The following DAB1 variants were observed in gnomAD, a reference collection of about 807,000 sequenced individuals.
DAB1 encodes disabled homolog 1.
In DAB1, 15 loss-of-function variants were observed where a neutral mutation model predicts 64.6. The observed-to-expected ratio is 0.23, with a 90% CI of 0.16 to 0.36. DAB1 has a LOEUF of 0.36. DAB1 is among the 10% of genes least tolerant of loss of function. The pLI is 1.00. For synonymous variants in DAB1, 235 were observed against 251.9 expected, an observed-to-expected ratio of 0.93 and a Z score of 0.64; for missense variants, 596 against 706.7, an observed-to-expected ratio of 0.84 and a Z score of 1.78.
chr1:58,386,345 G>A (rs542587060), intron 3 of DAB1, among the ~76,000 whole-genome samples: 1 of 152,180 alleles, frequency 6.6e-6, no homozygotes, highest in East Asian at 1.9e-4. Flanking sequence ...GAAATGGTAA[G>A]TTGGAGAAAA....
chr1:57,169,871 T>C (rs1233212965), intron 2 of DAB1, among the ~76,000 whole-genome samples: 1 of 152,148 alleles, frequency 6.6e-6, no homozygotes, highest in Non-Finnish European at 1.5e-5. Flanking sequence ...CCATGCTATA[T>C]TTAAAGGCGA....
At chr1:58,446,950 A>C (rs564772956) in intron 3 of DAB1, among the ~76,000 whole-genome samples, 1 of 152,306 alleles carries the variant, frequency 6.6e-6, no homozygotes, top group South Asian at 2.1e-4. Context: ...TTCCTCCCCA[A>C]ACCCTCATAT....
At chr1:57,088,508 C>T (rs1270745932) in intron 4 of DAB1, among the ~76,000 whole-genome samples, 1 of 152,188 alleles carries the variant, frequency 6.6e-6, no homozygotes, top group Non-Finnish European at 1.5e-5. Context: ...GAAGATTGGG[C>T]CCATCTCCCA....
At chr1:57,937,648 T>C (rs1193697242) in intron 5 of DAB1, among the ~76,000 whole-genome samples, 2 of 152,174 alleles carry the variant, frequency 1.3e-5, no homozygotes, top group East Asian at 3.9e-4. Context: ...CCACTTAAAG[T>C]GCTCTGGGCA....
At position 57,695,380 on chromosome 1, in the gene DAB1, GAAAGAAAGAAAGAAAGAAAGAAAGAAAGA is replaced by G. The variant is rs1646825304; in HGVS notation, n.552-45744_552-45716del. Among the ~76,000 whole-genome samples, 34 of 70,118 alleles carry G rather than the reference GAAAGAAAGAAAGAAAGAAAGAAAGAAAGA, an allele frequency of 4.8e-4. 1 individual carries two copies. Among genetic ancestry groups the G allele is most frequent in the African/African-American group, 1.9e-3 (34 of 18,248 alleles). 46.0% of individuals were successfully genotyped at this position (70,118 alleles called of 152,430 possible). A position where few individuals can be genotyped will look rare whatever the true frequency, so the allele number is the denominator to read the frequency against. On this transcript the variant is annotated intron_variant and non_coding_transcript_variant, in intron 6 of 20. Coordinates refer to the DAB1 transcript ENST00000485760. Reference sequence around the variant, plus strand: ...AAGAAAGAAGAAAGAAAGAAAGAAAGAAAGAAAGAAAGAAAGAAAGAAAGAAAGAAAGAAAGAAAGAAAGAAAGAAAGAA... The same window carrying G: ...AAGAAAGAAGAAAGAAAGAAAGAAAGAAGAAAGAAAGAAAGAAAGAAAGAA...
chr1:57,748,279 T>A (rs887940317), intron 6 of DAB1, among the ~76,000 whole-genome samples: 1 of 152,194 alleles, frequency 6.6e-6, no homozygotes, highest in African/African-American at 2.4e-5. Flanking sequence ...AGAGGCAGAA[T>A]ATTGCAGTCC....
At chr1:58,397,611 A>G (rs1424038516) in intron 3 of DAB1, among the ~76,000 whole-genome samples, 1 of 152,222 alleles carries the variant, frequency 6.6e-6, no homozygotes, top group African/African-American at 2.4e-5. Context: ...CACAGGAGCC[A>G]CTGGTGTCTT....
chr1:58,201,502 C>T (rs1427338064), intron 4 of DAB1, among the ~76,000 whole-genome samples: 1 of 152,146 alleles, frequency 6.6e-6, no homozygotes, highest in Admixed American at 6.5e-5. Flanking sequence ...TTAGGAAACA[C>T]TGTCAAGTAT....
intron 5 of DAB1, among the ~76,000 whole-genome samples, chr1:57,923,424 T>C (rs1439166885): frequency 6.6e-6 from 1 of 152,210 alleles, no homozygotes; most frequent in Non-Finnish European, 1.5e-5. Context: ...TATGTCAGTG[T>C]CTATGACCTG....
At chr1:57,367,485 G>C (rs34088636) in intron 1 of DAB1, among the ~76,000 whole-genome samples, 1 of 152,130 alleles carries the variant, frequency 6.6e-6, no homozygotes, top group Non-Finnish European at 1.5e-5. Flanking sequence ...AATGAAGGCA[G>C]TAACATCTAC....
intron 7 of DAB1, among the ~76,000 whole-genome samples, chr1:57,618,970 G>A (rs1251958245): frequency 6.6e-6 from 1 of 152,164 alleles, no homozygotes; most frequent in African/African-American, 2.4e-5. Context: ...AGATGCTAAT[G>A]ATAATATCTC....
chr1:57,090,752 T>C (rs778766010), intron 4 of DAB1, among the ~76,000 whole-genome samples: 12 of 152,138 alleles, frequency 7.9e-5, no homozygotes, highest in Non-Finnish European at 1.6e-4. Context: ...TTGAAGTATG[T>C]CTTCTAAAAC....
intron 4 of DAB1, among the ~76,000 whole-genome samples, chr1:57,111,986 G>T (rs1024469709): frequency 6.6e-6 from 1 of 152,128 alleles, no homozygotes; most frequent in Non-Finnish European, 1.5e-5. Context: ...TGAAACCTCA[G>T]TTTCAATGTC....
intron 12 of DAB1, among the ~76,000 whole-genome samples, chr1:57,013,113 G>A (rs777338381): frequency 1.3e-5 from 2 of 152,198 alleles, no homozygotes; most frequent in African/African-American, 2.4e-5. Context: ...TCCTACAATG[G>A]GACAGCCTCT....
intron 7 of DAB1, among the ~76,000 whole-genome samples, chr1:57,504,042 G>A (rs1446943345): frequency 6.6e-6 from 1 of 152,144 alleles, no homozygotes; most frequent in Non-Finnish European, 1.5e-5. Flanking sequence ...CTCTCAAAAT[G>A]TGTCCCATGT....
At chr1:57,148,897 G>A (rs1477839310) in intron 2 of DAB1, among the ~76,000 whole-genome samples, 1 of 152,116 alleles carries the variant, frequency 6.6e-6, no homozygotes, top group Non-Finnish European at 1.5e-5. Flanking sequence ...ATAGAATCCA[G>A]TGGGTTTAGT....
intron 4 of DAB1, among the ~76,000 whole-genome samples, chr1:58,293,868 G>A (rs1661906184): frequency 6.6e-6 from 1 of 152,212 alleles, no homozygotes; most frequent in African/African-American, 2.4e-5. Context: ...GGTGAAATCT[G>A]CTTAGCACTC....
intron 3 of DAB1, among the ~76,000 whole-genome samples, chr1:58,412,760 GA>G (rs1447605728): frequency 3.3e-5 from 5 of 152,204 alleles, no homozygotes; most frequent in Non-Finnish European, 7.3e-5. Flanking sequence ...AAGAGCACTG[GA>G]CAGGAGGATT....
chr1:57,859,603 T>A (rs957373349), intron 1 of DAB1, among the ~76,000 whole-genome samples: 18 of 152,204 alleles, frequency 1.2e-4, no homozygotes, highest in Admixed American at 1.2e-3. Context: ...CTTTGCACAA[T>A]GCTGTCTAAT....
Sources: allele counts gnomAD v4.1 joint callset (sites outside exome capture counted in the v4.1 genomes callset), GRCh38; gene constraint gnomAD v4.1.1; transcripts MANE v1.5; gene names NCBI Gene and HGNC (gene_info 2026-07-23, HGNC 2026-07-21).